The following ATG13 variants were observed in gnomAD, a reference collection of about 807,000 sequenced individuals.
The protein encoded by ATG13 is autophagy related 13.
A neutral mutation model predicts 65.5 loss-of-function variants in ATG13; 23 were observed. The ratio of observed to expected loss-of-function variants is 0.35; its 90% CI spans 0.25 to 0.50. ATG13 has a LOEUF of 0.50. Ranked by LOEUF, ATG13 falls within the 20% of genes least tolerant of loss-of-function variation. ATG13 has a pLI of 0.98. For synonymous variants in ATG13, 252 were observed against 245.2 expected, an observed-to-expected ratio of 1.03 and a Z score of -0.26; for missense variants, 566 against 677.0, an observed-to-expected ratio of 0.84 and a Z score of 1.82.
At chr11:46,638,509 A>G (rs1359489564) in intron 2 of ATG13, 3 of 152,172 alleles carry the variant, frequency 2.0e-5, no homozygotes, top group Non-Finnish European at 4.4e-5. Flanking sequence ...TCATTCTGCT[A>G]TGATATAGAA....
At chr11:46,656,357 A>G (rs551584742) in intron 8 of ATG13, 84 bp downstream of exon 8, 2 of 1,373,154 alleles carry the variant, frequency 1.5e-6, no homozygotes, top group Non-Finnish European at 2.0e-6. Context: ...TTGTTATAAT[A>G]TGTAGATTGT....
intron 10 of ATG13, 123 bp from the exon 11 acceptor site, chr11:46,659,269 C>T: frequency 1.4e-6 from 1 of 690,670 alleles, no homozygotes; most frequent in South Asian, 1.9e-5. Flanking sequence ...CCTTTCTTGC[C>T]AGTACGAACT....
In ATG13 at chr11:46,656,269, A is replaced by G. The variant is rs371927221; in HGVS notation, c.495A>G (p.Gly165=). 1.8e-5 allele frequency: 29 copies of G among 1,612,072 alleles called. No homozygotes were observed. The highest frequency in any genetic ancestry group is 5.3e-5 in the African/African-American group (4 of 74,850). ...YFGEVQLSGL[G]EGFQTVRVGT... ...GAGAAGTTCAGCTGAGTGGCTTAGGAGAAGGTATGTATCAACGGTTGAAAA... is the reference window on the plus strand; with the variant it reads ...GAGAAGTTCAGCTGAGTGGCTTAGGGGAAGGTATGTATCAACGGTTGAAAA... Residue 165 remains glycine, a synonymous_variant, in exon 8 of 19, where the codon GGA becomes GGG. Coordinates refer to ENST00000683050, the MANE Select transcript of ATG13 (RefSeq NM_001346311.2).
At chr11:46,664,548 G>A (rs1187073764) in intron 12 of ATG13, among the ~76,000 whole-genome samples, 1 of 152,220 alleles carries the variant, frequency 6.6e-6, no homozygotes, top group Non-Finnish European at 1.5e-5. Context: ...CATCTGCTGG[G>A]CTTAGCACTG....
rs1282354473 is a variant in ATG13, at chr11:46,657,177, A to T, written c.582A>T (p.Ala194=). Residue 194 remains alanine, a synonymous_variant, in exon 9 of 19, where the codon GCA becomes GCT. Transcript: ENST00000683050. ...TLSCAYRINL[A]FMSTRQFERT... is the part of the protein sequence containing the mutation. ...CTTGTGCTTACAGAATTAACTTGGC[A>T]TTCATGTCTACCAGGTGAGGAAGAG... The T allele has an allele frequency of 1.2e-6, 2 of 1,613,494 alleles. No individual in the cohort carries two copies. Among genetic ancestry groups the T allele is most frequent in the Non-Finnish European group, 1.7e-6 (2 of 1,179,602 alleles).
In ATG13 at chr11:46,672,578, C is replaced by G; in HGVS notation, c.*246C>G. On this transcript the variant is annotated 3_prime_UTR_variant, in exon 19 of 19. Coordinates refer to ENST00000683050, the MANE Select transcript of ATG13 (RefSeq NM_001346311.2). Reference sequence around the variant, plus strand: ...CTTGGAGATGGGAAGAACCTTCGTACGAAAAAGCCCTCAGCAGGGCCATCT... The same window carrying G: ...CTTGGAGATGGGAAGAACCTTCGTAGGAAAAAGCCCTCAGCAGGGCCATCT... The G allele has an allele frequency of 3.5e-6, 5 of 1,419,652 alleles. No individual in the cohort carries two copies. Among genetic ancestry groups the G allele is most frequent in the South Asian group, 1.3e-5 (1 of 78,484 alleles). 87.9% of individuals were successfully genotyped at this position (1,419,652 alleles called of 1,614,324 possible). A position where few individuals can be genotyped will look rare whatever the true frequency, so the allele number is the denominator to read the frequency against.
chr11:46,665,036 A>G (rs2061996113), intron 13 of ATG13, 77 bp downstream of exon 13: 1 of 1,363,946 alleles, frequency 7.3e-7, no homozygotes, highest in Admixed American at 1.9e-5. Context: ...GGGTCTCTCA[A>G]GGCAGAGGGA....
At chr11:46,649,292 A>C in intron 6 of ATG13, 109 bp downstream of exon 6, 1 of 1,277,542 alleles carries the variant, frequency 7.8e-7, no homozygotes, top group African/African-American at 1.5e-5. Flanking sequence ...CATTCTGACC[A>C]CTTAACAAAG....
At chr11:46,648,337 T>C (rs2058169175) in intron 5 of ATG13, among the ~76,000 whole-genome samples, 1 of 152,210 alleles carries the variant, frequency 6.6e-6, no homozygotes, top group Non-Finnish European at 1.5e-5. Flanking sequence ...CCAGCAATTG[T>C]AATTCTGAAA....
chr11:46,656,514 A>G (rs1006617242), intron 8 of ATG13: 5 of 352,156 alleles, frequency 1.4e-5, no homozygotes, highest in African/African-American at 1.0e-4. Context: ...AAAACTGTAT[A>G]TTTTCCTAAT....
At position 46,665,613 on chromosome 11, in the gene ATG13, T is replaced by A. The variant is rs2062136385; in HGVS notation, c.1136+94T>A. ...TTATTTAGAATTAGTAAAGAGTAAC[T>A]TTCAGCATTGGCTGGGACATGGCAT... On this transcript the variant is annotated intron_variant, in intron 14 of 18. Transcript: ENST00000683050. 3.4e-6 allele frequency: 5 copies of A among 1,479,190 alleles called. No homozygotes were observed. In the South Asian group the frequency reaches 6.4e-5, roughly 19 times the overall value. 91.6% of individuals were successfully genotyped at this position (1,479,190 alleles called of 1,614,324 possible). A position where few individuals can be genotyped will look rare whatever the true frequency, so the allele number is the denominator to read the frequency against.
At chr11:46,657,300 C>T in intron 9 of ATG13, 109 bp downstream of exon 9, 1 of 1,108,516 alleles carries the variant, frequency 9.0e-7, no homozygotes, top group East Asian at 2.5e-5. Flanking sequence ...AAAGCAGTAC[C>T]TTCAGAAGAA....
At chr11:46,657,494 A>C in intron 9 of ATG13, 30 bp from the exon 10 acceptor site, 2 of 1,598,848 alleles carry the variant, frequency 1.3e-6, no homozygotes, top group Non-Finnish European at 1.7e-6. Flanking sequence ...GCATTCTAAC[A>C]AATACTGGAA....
intron 10 of ATG13, 114 bp downstream of exon 10, chr11:46,657,736 C>T (rs1592075455): frequency 1.1e-6 from 1 of 900,076 alleles, no homozygotes; most frequent in Non-Finnish European, 1.7e-6. Context: ...CAGGGGGCCA[C>T]TGATGGAGAC....
chr11:46,649,782 C>T lies in ATG13; in HGVS notation c.318-395C>T, dbSNP rs140869024. 3.9e-5 allele frequency among the ~76,000 whole-genome samples: 6 copies of T among 152,174 alleles called. No individual in the cohort carries two copies. The East Asian group carries it at 9.6e-4, about 24-fold the overall frequency. ...TTCTTTATTGAATAAATGCAATTGC[C>T]AGGTTATGACCCAAAATTTTAGAGC... On this transcript the variant is annotated intron_variant, in intron 6 of 18. Coordinates refer to ENST00000683050, the MANE Select transcript of ATG13 (RefSeq NM_001346311.2).
In ATG13 at chr11:46,617,721, G is replaced by T. The variant is rs1295762444; in HGVS notation, c.-239G>T. On this transcript the variant is annotated 5_prime_UTR_variant, in exon 1 of 19. Coordinates refer to ENST00000683050, the MANE Select transcript of ATG13 (RefSeq NM_001346311.2). The stretch of plus-strand genomic sequence containing the variant: ...CGGAGTCTTAGGAGCAAAACGTCTG[G>T]GGCCTGCGAGCCAGGACCCTTCTGA... 3 of 397,832 alleles carry T rather than the reference G, an allele frequency of 7.5e-6. No individual in the cohort carries two copies. Among genetic ancestry groups the T allele is most frequent in the Non-Finnish European group, 8.9e-6 (2 of 225,810 alleles). The allele number at this position is 397,832 out of a possible 1,614,324, so 24.6% of individuals were successfully genotyped here.
At chr11:46,626,540 G>A (rs572480130) in intron 1 of ATG13, among the ~76,000 whole-genome samples, 39 of 152,270 alleles carry the variant, frequency 2.6e-4, no homozygotes, top group South Asian at 1.2e-3. Flanking sequence ...GTGAGCCACT[G>A]CGCCCGGCCT....
At chr11:46,620,121 A>G (rs2046976624) in intron 1 of ATG13, among the ~76,000 whole-genome samples, 1 of 150,424 alleles carries the variant, frequency 6.6e-6, no homozygotes, top group South Asian at 2.1e-4. Context: ...ATGGAGTTTC[A>G]CTCTTGTTGC....
chr11:46,619,488 G>A (rs2046637958), intron 1 of ATG13, among the ~76,000 whole-genome samples: 1 of 147,662 alleles, frequency 6.8e-6, no homozygotes. Flanking sequence ...GGGTTCAAGC[G>A]ATTCTCCTGC....
Sources: gnomAD v4.1 joint callset for allele counts (sites outside exome capture counted in the v4.1 genomes callset) on GRCh38, gnomAD v4.1.1 for gene constraint, MANE v1.5 for transcripts, NCBI Gene and HGNC (gene_info 2026-07-23, HGNC 2026-07-21) for gene names.